Variants in INTS6 observed in about 807,000 individuals in gnomAD.
INTS6 encodes the protein DEAD box protein.
Under a neutral mutation model 104.9 loss-of-function variants are expected in INTS6, and 16 were observed. The observed-to-expected ratio is 0.15, with a 90% confidence interval of 0.10 to 0.23. INTS6 has a LOEUF of 0.23. INTS6 is among the 10% of genes least tolerant of loss of function. The pLI, the probability that INTS6 is intolerant of heterozygous loss-of-function variation, is 1.00. For missense variants in INTS6, 584 were observed against 1,062.8 expected, an observed-to-expected ratio of 0.55 and a Z score of 6.26; for synonymous variants, 324 against 358.7, an observed-to-expected ratio of 0.90 and a Z score of 1.09.
chr13:51,341,440 C>T, the INTS6 span: 2 of 1,216,380 alleles, frequency 1.6e-6, no homozygotes, highest in South Asian at 2.9e-5. Context: ...CACACTCACT[C>T]TCTCCAGCTT....
chr13:51,396,699 T>C (rs1316385518), intron 4 of INTS6, among the ~76,000 whole-genome samples: 1 of 152,160 alleles, frequency 6.6e-6, no homozygotes, highest in Non-Finnish European at 1.5e-5. Flanking sequence ...AGTGGGGATA[T>C]AGGATCAAGT....
chr13:51,355,790 TACA>T lies in INTS6; in HGVS notation n.431-1457_431-1455del, dbSNP rs67800478. ...GGAGTGAATGCCAGAACCTATGTTC[TACA>T]ATCCTCTCAAGACACCATTGGCTAA... On this transcript the variant is annotated intron_variant and non_coding_transcript_variant, in intron 3 of 3. Transcript: ENST00000476666. Among the ~76,000 whole-genome samples, 1,287 of 152,314 alleles carry T rather than the reference TACA, an allele frequency of 8.4e-3. 21 individuals are homozygous for T. Among genetic ancestry groups the T allele is most frequent in the African/African-American group, 0.03 (1,244 of 41,562 alleles).
the INTS6 span, chr13:51,348,186 C>T: frequency 6.5e-7 from 1 of 1,536,174 alleles, no homozygotes; most frequent in Non-Finnish European, 8.8e-7. Flanking sequence ...TGGGACAGAG[C>T]TGACCTCTGA....
the INTS6 span, chr13:51,347,140 C>T: frequency 1.7e-5 from 28 of 1,613,718 alleles, no homozygotes; most frequent in Non-Finnish European, 2.3e-5. Flanking sequence ...GAAAGAGATT[C>T]TCCTCCACAG....
At chr13:51,335,547 G>A in the INTS6 span, among the ~76,000 whole-genome samples, 3 of 152,322 alleles carry the variant, frequency 2.0e-5, no homozygotes, top group East Asian at 1.9e-4. Flanking sequence ...GTTCCAGAGC[G>A]TAGTGTGGAG....
At chr13:51,361,468 T>C (rs1732496073), downstream of INTS6, 1 of 772,166 alleles carries the variant, frequency 1.3e-6, no homozygotes, top group African/African-American at 1.8e-5. Context: ...AACCCCCAAG[T>C]TCAGGTGTGG....
In INTS6 at chr13:51,362,160, T is replaced by C. The variant is rs776493598; in HGVS notation, c.*3592A>G. The C allele has an allele frequency of 1.2e-5, 11 of 928,448 alleles. No homozygotes were observed. The highest frequency in any genetic ancestry group is 1.5e-5 in the Non-Finnish European group (10 of 670,988). 57.5% of individuals were successfully genotyped at this position (928,448 alleles called of 1,614,324 possible). ...AGATTTTTTTTTTTAATGCTATAGGTTTCTACTTCTGAAGACACTTGGAAA... is the reference window on the plus strand; with the variant it reads ...AGATTTTTTTTTTTAATGCTATAGGCTTCTACTTCTGAAGACACTTGGAAA... On this transcript the variant is annotated 3_prime_UTR_variant, in exon 18 of 18. Transcript: ENST00000311234.
chr13:51,390,011 C>CTTA (rs1956215926), intron 5 of INTS6, among the ~76,000 whole-genome samples: 1 of 151,998 alleles, frequency 6.6e-6, no homozygotes. Context: ...TTTCACTTAG[C>CTTA]TTATGTAAAC....
intron 12 of INTS6, among the ~76,000 whole-genome samples, chr13:51,377,324 A>C (rs1955953964): frequency 6.6e-6 from 1 of 151,980 alleles, no homozygotes; most frequent in Non-Finnish European, 1.5e-5. Flanking sequence ...CTTCATTTTT[A>C]ATGTTTCTTT....
chr13:51,354,543 G>A (rs762339190), intron 3 of INTS6, among the ~76,000 whole-genome samples: 4 of 151,522 alleles, frequency 2.6e-5, no homozygotes, highest in Non-Finnish European at 4.4e-5. Context: ...ATCACTTGAG[G>A]CCAGAAGTTT....
intron 3 of INTS6, chr13:51,436,566 C>T (rs1207868960): frequency 2.0e-5 from 3 of 152,056 alleles, no homozygotes; most frequent in Non-Finnish European, 4.4e-5. Context: ...TAAGGAACTC[C>T]ATCCTGGAAT....
chr13:51,380,062 C>G (rs972746313), intron 10 of INTS6, among the ~76,000 whole-genome samples: 15 of 152,054 alleles, frequency 9.9e-5, no homozygotes, highest in Non-Finnish European at 1.9e-4. Flanking sequence ...AATAACAATA[C>G]CTACTCTTAC....
At chr13:51,344,450 T>C in the INTS6 span, 8 of 1,602,338 alleles carry the variant, frequency 5.0e-6, no homozygotes, top group South Asian at 7.9e-5. Context: ...AGCACCGCCA[T>C]CCAGACTAGC....
chr13:51,358,692 A>G (rs1465347447), downstream of INTS6, among the ~76,000 whole-genome samples: 1 of 152,146 alleles, frequency 6.6e-6, no homozygotes, highest in African/African-American at 2.4e-5. Context: ...TGATTAAGAC[A>G]TCATTTATGC....
At chr13:51,445,512 G>A (rs1051601792) in intron 3 of INTS6, 3 of 152,048 alleles carry the variant, frequency 2.0e-5, no homozygotes, top group Admixed American at 6.6e-5. Context: ...TCCTAATAAG[G>A]TACATTTTAA....
At chr13:51,346,642 C>T in the INTS6 span, among the ~76,000 whole-genome samples, 3 of 152,352 alleles carry the variant, frequency 2.0e-5, no homozygotes, top group Admixed American at 1.3e-4. Flanking sequence ...ATTTCCCTCT[C>T]CACACCCTCA....
intron 12 of INTS6, 99 bp from the exon 13 acceptor site, chr13:51,376,273 T>A (rs2137893949): frequency 1.1e-6 from 1 of 874,872 alleles, no homozygotes; most frequent in Non-Finnish European, 1.6e-6. Flanking sequence ...ATAAGATATA[T>A]AAACTGGTTA....
intron 4 of INTS6, among the ~76,000 whole-genome samples, chr13:51,420,927 T>C (rs1956886664): frequency 1.3e-5 from 2 of 152,182 alleles, no homozygotes; most frequent in South Asian, 4.1e-4. Context: ...ATCTTAAGCT[T>C]AGCAAGGTGG....
chr13:51,436,376 T>C (rs1393751333), intron 3 of INTS6: 1 of 152,166 alleles, frequency 6.6e-6, no homozygotes, highest in Admixed American at 6.5e-5. Flanking sequence ...AATTCCACAG[T>C]ATAAGAAATA....
Sources: allele counts gnomAD v4.1 joint callset (sites outside exome capture counted in the v4.1 genomes callset), GRCh38; gene constraint gnomAD v4.1.1; transcripts MANE v1.5; gene names NCBI Gene and HGNC (gene_info 2026-07-23, HGNC 2026-07-21).